The following ARHGEF18 variants were observed in gnomAD, a reference collection of about 807,000 sequenced individuals.
ARHGEF18 encodes the protein rho guanine nucleotide exchange factor 18.
ARHGEF18 carries 93 observed loss-of-function variants against 155.7 expected under a neutral mutation model. The ratio of observed to expected loss-of-function variants is 0.60; its 90% CI spans 0.50 to 0.71. The LOEUF is 0.71. Among genes scored for constraint, ARHGEF18 ranks in the 30% least tolerant of loss-of-function variants. The pLI, the probability that ARHGEF18 is intolerant of heterozygous loss-of-function variation, is 0.00. For synonymous variants in ARHGEF18, 742 were observed against 753.1 expected (o/e 0.99, Z 0.24); for missense variants, 1,593 against 1,816.1 (o/e 0.88, Z 2.23).
At chr19:7,397,459 C>T (rs756107504) in intron 10 of ARHGEF18, among the ~76,000 whole-genome samples, 36 of 151,190 alleles carry the variant, frequency 2.4e-4, no homozygotes, top group African/African-American at 3.9e-4. Flanking sequence ...GGGCCGGGTG[C>T]GGTGGCTCAC....
In ARHGEF18 at chr19:7,441,927, C is replaced by T. The variant is rs753949023; in HGVS notation, c.1235C>T (p.Ser412Leu). ...SIFVEDPYTA[S>L]LRSEIESDGH... ...CTTCCCTCAGATCCCTACACCGCCT[C>T]GCTGAGGAGTGAGATTGAGTCAGAC... Residue 412 changes from serine (S) to leucine (L), a missense_variant, in exon 13 of 29, where the codon TCG (serine) becomes TTG (leucine). By Grantham distance (145) the Ser-to-Leu change is moderately radical. Transcript: ENST00000668164. 16 of 1,613,940 alleles carry T rather than the reference C, an allele frequency of 9.9e-6. No individual in the cohort carries two copies. The highest frequency in any genetic ancestry group is 3.3e-5 in the South Asian group (3 of 91,090).
At chr19:7,373,182 TCCCCAAC>T (rs1447431772) in intron 3 of ARHGEF18, 111 bp downstream of exon 3, 2 of 1,211,696 alleles carry the variant, frequency 1.7e-6, no homozygotes, top group African/African-American at 3.1e-5. Flanking sequence ...CCTGCCGTGG[TCCCCAAC>T]CTTTTTGGTA....
At chr19:7,387,397 C>CCGTCT (rs1568287742) in intron 10 of ARHGEF18, among the ~76,000 whole-genome samples, 2 of 151,980 alleles carry the variant, frequency 1.3e-5, no homozygotes, top group Non-Finnish European at 2.9e-5. Context: ...CGTGATCTGC[C>CCGTCT]CGTCTCGGTC....
intron 3 of ARHGEF18, 70 bp from the exon 4 acceptor site, chr19:7,375,650 C>A: frequency 8.1e-7 from 1 of 1,229,828 alleles, no homozygotes; most frequent in South Asian, 4.1e-5. Flanking sequence ...TCAAGCCCCC[C>A]TGGATGCCTG....
At chr19:7,375,432 GAAGAA>G (rs1312393947) in intron 3 of ARHGEF18, among the ~76,000 whole-genome samples, 7 of 151,524 alleles carry the variant, frequency 4.6e-5, no homozygotes, top group East Asian at 1.9e-4. Context: ...AGAAAGGAAG[GAAGAA>G]AAGAAAAGAA....
intron 10 of ARHGEF18, among the ~76,000 whole-genome samples, chr19:7,396,228 C>T (rs556120306): frequency 6.6e-6 from 1 of 152,208 alleles, no homozygotes; most frequent in South Asian, 2.1e-4. Flanking sequence ...AGTTTTACCA[C>T]GGAAGCGAAG....
rs200559003 is a variant in ARHGEF18, at chr19:7,439,284, C to CG, written c.968-1060_968-1059insG. Among the ~76,000 whole-genome samples the CG allele has an allele frequency of 2.0e-3, 295 of 150,394 alleles. 12 individuals carry two copies. In the East Asian group the frequency reaches 0.055, roughly 28 times the overall value. ...CAGCCTGAGCAACATAGTGAGACCC[C>CG]CCCCCAACCTCTACAAGAAAATATT... is the stretch of plus-strand genomic sequence containing the variant. On this transcript the variant is annotated intron_variant, in intron 10 of 28. Transcript: ENST00000668164.
rs200483329 is a variant in ARHGEF18, at chr19:7,451,261, C to T, written c.1850C>T (p.Thr617Met). 210 of 1,613,354 alleles carry T rather than the reference C, an allele frequency of 1.3e-4. No individual in the cohort carries two copies. Among genetic ancestry groups the T allele is most frequent in the Middle Eastern group, 6.6e-4 (4 of 6,060 alleles). ...CTGGTGGAGCGCATCATCCAGAACACGGAAGGTAGGCCTTCTCCCCACTGC... is the reference window on the plus strand; with the variant it reads ...CTGGTGGAGCGCATCATCCAGAACATGGAAGGTAGGCCTTCTCCCCACTGC... The part of the protein sequence containing the change: ...PVLVERIIQN[T>M]EAGTEDYEDL... Residue 617 changes from threonine to methionine, a missense_variant, in exon 16 of 29, where the codon ACG becomes ATG. Physicochemically the swap from Thr to Met is moderately conservative, Grantham distance 81. Transcript: ENST00000668164.
intron 1 of ARHGEF18, among the ~76,000 whole-genome samples, chr19:7,360,795 G>C (rs534096591): frequency 6.6e-6 from 1 of 152,172 alleles, no homozygotes; most frequent in Non-Finnish European, 1.5e-5. Flanking sequence ...CAGCCTGCTT[G>C]TTTCGTTTCT....
At chr19:7,433,087 G>A (rs1229073708) in intron 10 of ARHGEF18, among the ~76,000 whole-genome samples, 1 of 151,958 alleles carries the variant, frequency 6.6e-6, no homozygotes, top group African/African-American at 2.4e-5. Flanking sequence ...CTTGAGCCCA[G>A]GAATTGGAGG....
intron 14 of ARHGEF18, among the ~76,000 whole-genome samples, chr19:7,446,677 G>A (rs899615462): frequency 6.6e-6 from 1 of 151,980 alleles, no homozygotes; most frequent in Non-Finnish European, 1.5e-5. Context: ...GGAGGTGGAG[G>A]TTGCAGTGAG....
Position 7,382,816 on chromosome 19 carries a change from C to G in ARHGEF18, c.747C>G (p.Asn249Lys), listed in dbSNP as rs112303059. 1 of 1,232,336 alleles carries G rather than the reference C, an allele frequency of 8.1e-7. No homozygotes were observed. The highest frequency in any genetic ancestry group is 1.0e-6 in the Non-Finnish European group (1 of 988,066). 76.3% of individuals were successfully genotyped at this position (1,232,336 alleles called of 1,614,324 possible). A position where few individuals can be genotyped will look rare whatever the true frequency, so the allele number is the denominator to read the frequency against. Reference sequence around the variant, plus strand: ...GGAGCGAGGACGGTGCTGGCAAGAACGAGAAGAGTGACAAGAGTACCAGTG... The same window carrying G: ...GGAGCGAGGACGGTGCTGGCAAGAAGGAGAAGAGTGACAAGAGTACCAGTG... ...LSESEDGAGK[N>K]EKSDKSTSVK... is the part of the protein sequence containing the mutation. Residue 249 changes from asparagine to lysine, a missense_variant, in exon 9 of 29, where the codon AAC becomes AAG. Coordinates refer to ENST00000668164, the MANE Select transcript of ARHGEF18 (RefSeq NM_001367823.1).
At chr19:7,357,965 G>A (rs1969380274) in intron 1 of ARHGEF18, among the ~76,000 whole-genome samples, 1 of 151,978 alleles carries the variant, frequency 6.6e-6, no homozygotes, top group Non-Finnish European at 1.5e-5. Flanking sequence ...CCACAATTCT[G>A]TCCCTCTTCC....
intron 2 of ARHGEF18, among the ~76,000 whole-genome samples, chr19:7,365,537 C>A (rs8110775): frequency 0.18 from 26,750 of 152,146 alleles, 6,068 homozygotes; most frequent in African/African-American, 0.53. Context: ...GGGATCTGGA[C>A]CTCTTTGAAA....
chr19:7,421,961 G>A (rs559466150), intron 10 of ARHGEF18, among the ~76,000 whole-genome samples: 1 of 152,062 alleles, frequency 6.6e-6, no homozygotes, highest in South Asian at 2.1e-4. Flanking sequence ...GCCCAAACCA[G>A]ACATCTTCGT....
At chr19:7,473,735 A>C (rs150496815), downstream of ARHGEF18, among the ~76,000 whole-genome samples, 2 of 148,002 alleles carry the variant, frequency 1.4e-5, no homozygotes, top group East Asian at 2.1e-4. Flanking sequence ...GCGTGAACCC[A>C]GGAGGCGGAG....
At chr19:7,411,845 G>A (rs1972705188) in intron 10 of ARHGEF18, among the ~76,000 whole-genome samples, 1 of 152,018 alleles carries the variant, frequency 6.6e-6, no homozygotes, top group Non-Finnish European at 1.5e-5. Context: ...TCCTAGAAGT[G>A]GAGTCACATA....
In ARHGEF18 at chr19:7,440,150, C is replaced by G. The variant is rs375575448; in HGVS notation, c.968-194C>G. 3 of 1,551,346 alleles carry G rather than the reference C, an allele frequency of 1.9e-6. No individual in the cohort carries two copies. The highest frequency in any genetic ancestry group is 2.6e-6 in the Non-Finnish European group (3 of 1,146,942). On this transcript the variant is annotated intron_variant, in intron 10 of 28. Coordinates refer to ENST00000668164, the MANE Select transcript of ARHGEF18 (RefSeq NM_001367823.1). The surrounding 1 kb of genome is among the most constrained non-coding windows in gnomAD (Gnocchi z 5.4). The stretch of plus-strand genomic sequence containing the variant: ...GCGGGGACAGGCACAGCGCGCTCCC[C>G]GGCCGCCCCGAGCTGTCTTTTTACG...
chr19:7,453,191 C>T (rs915244721), intron 16 of ARHGEF18, among the ~76,000 whole-genome samples: 5 of 151,750 alleles, frequency 3.3e-5, no homozygotes, highest in African/African-American at 4.9e-5. Flanking sequence ...AGCCAGACTC[C>T]GTCCACCCTA....
Sources: allele counts gnomAD v4.1 joint callset (sites outside exome capture counted in the v4.1 genomes callset), GRCh38; gene constraint gnomAD v4.1.1; non-coding constraint Gnocchi (gnomAD v3.1); transcripts MANE v1.5; gene names NCBI Gene and HGNC (gene_info 2026-07-23, HGNC 2026-07-21).